The following TJP3 variants were observed in gnomAD, a reference collection of about 807,000 sequenced individuals.
The protein encoded by TJP3 is tight junction protein ZO-3.
In TJP3, 85 loss-of-function variants were observed where a neutral mutation model predicts 104.2. The ratio of observed to expected loss-of-function variants is 0.82; its 90% CI spans 0.68 to 0.98. TJP3 has a LOEUF of 0.98. Among genes scored for constraint, TJP3 ranks in the 50% least tolerant of loss-of-function variants. The probability of loss-of-function intolerance (pLI) is 0.00; values close to 1 mark genes in which losing one functional copy is unlikely to be tolerated. For missense variants in TJP3, 1,367 were observed against 1,322.8 expected, an observed-to-expected ratio of 1.03 and a Z score of -0.52; for synonymous variants, 550 against 550.6, an observed-to-expected ratio of 1.00 and a Z score of 0.02.
chr19:3,750,505 A>G (rs1414738430), intron 20 of TJP3, 77 bp from the exon 21 acceptor site: 1 of 1,288,648 alleles, frequency 7.8e-7, no homozygotes, highest in African/African-American at 1.5e-5. Context: ...TGTGCCTAGC[A>G]CAGCCAGCCT....
At chr19:3,742,398 A>G (rs1462644445) in intron 14 of TJP3, among the ~76,000 whole-genome samples, 1 of 151,750 alleles carries the variant, frequency 6.6e-6, no homozygotes, top group Non-Finnish European at 1.5e-5. Context: ...ATGCTGCTGC[A>G]CTCTAGCCTG....
At chr19:3,712,187 G>A (rs190656201) in intron 1 of TJP3, among the ~76,000 whole-genome samples, 4 of 152,324 alleles carry the variant, frequency 2.6e-5, no homozygotes, top group Admixed American at 2.6e-4. Context: ...GTGTTGGCGT[G>A]TGCCTATAAT....
intron 1 of TJP3, among the ~76,000 whole-genome samples, chr19:3,719,655 GA>G (rs1239153736): frequency 6.7e-6 from 1 of 149,194 alleles, no homozygotes; most frequent in East Asian, 2.0e-4. Flanking sequence ...AGAATGACGG[GA>G]ACCCGGGAGG....
In TJP3 at chr19:3,739,033, C is replaced by G; in HGVS notation, c.1530C>G (p.Pro510=). 1 of 1,611,686 alleles carries G rather than the reference C, an allele frequency of 6.2e-7. No individual in the cohort carries two copies. The highest frequency in any genetic ancestry group is 1.3e-5 in the African/African-American group (1 of 75,042). ...DVFHVLDTLH[P]GPGQSHARGG... is the part of the protein sequence containing the mutation. ...TCCACGTGCTGGACACGCTGCACCC[C>G]GGCCCCGGGCAGAGCCACGCACGAG... Residue 510 remains proline, a synonymous_variant, in exon 13 of 21, where the codon CCC becomes CCG. Transcript: ENST00000541714.
At chr19:3,718,026 T>G (rs756637717) in intron 1 of TJP3, among the ~76,000 whole-genome samples, 10 of 151,128 alleles carry the variant, frequency 6.6e-5, no homozygotes, top group South Asian at 6.3e-4. Flanking sequence ...CCATCCTGGC[T>G]AACACGGTGA....
intron 1 of TJP3, 52 bp from the exon 2 acceptor site, chr19:3,728,372 T>C: frequency 6.2e-7 from 1 of 1,613,800 alleles, no homozygotes; most frequent in Non-Finnish European, 8.5e-7. Flanking sequence ...CCCCAAGTGC[T>C]CAGATGAACC....
chr19:3,716,795 A>AT (rs1199754819), intron 1 of TJP3, among the ~76,000 whole-genome samples: 16 of 66,788 alleles, frequency 2.4e-4, no homozygotes, highest in African/African-American at 4.4e-4. Context: ...ATATATATAT[A>AT]TATATATTTT....
intron 1 of TJP3, among the ~76,000 whole-genome samples, chr19:3,725,985 C>G (rs2036591993): frequency 6.6e-6 from 1 of 152,236 alleles, no homozygotes; most frequent in African/African-American, 2.4e-5. Flanking sequence ...TCTCTCCCCT[C>G]CACCCGCCTT....
chr19:3,726,038 T>G (rs2036592745), intron 1 of TJP3, among the ~76,000 whole-genome samples: 1 of 152,320 alleles, frequency 6.6e-6, no homozygotes, highest in South Asian at 2.1e-4. Context: ...CTAGAGACGC[T>G]GGAGCTTATA....
rs189895517 is a variant in TJP3, at chr19:3,715,151, G to A, written c.-10+6590G>A. On this transcript the variant is annotated intron_variant, in intron 1 of 20. Transcript: ENST00000541714. The stretch of plus-strand genomic sequence containing the variant: ...GTCGCCCAGGCTGGAGCGCAGTGGC[G>A]CAATCTCGGCTCACTGCAACCTCCG... 3.3e-3 allele frequency among the ~76,000 whole-genome samples: 497 copies of A among 150,846 alleles called. 2 individuals carry two copies. The highest frequency in any genetic ancestry group is 6.9e-3 in the Middle Eastern group (2 of 290).
intron 13 of TJP3, among the ~76,000 whole-genome samples, chr19:3,739,452 T>G (rs1414556174): frequency 6.6e-6 from 1 of 152,266 alleles, no homozygotes; most frequent in African/African-American, 2.4e-5. Context: ...ATCACGCCAC[T>G]GCACTCCAGC....
At chr19:3,724,599 C>G (rs111397218) in intron 1 of TJP3, among the ~76,000 whole-genome samples, 1 of 152,086 alleles carries the variant, frequency 6.6e-6, no homozygotes, top group African/African-American at 2.4e-5. Flanking sequence ...TGCAGAGGCA[C>G]GATCACAATT....
chr19:3,740,425 C>A, intron 13 of TJP3, 127 bp from the exon 14 acceptor site: 1 of 445,440 alleles, frequency 2.2e-6, no homozygotes, highest in Non-Finnish European at 3.8e-6. Flanking sequence ...ATAATAATCC[C>A]ATCTGCAGAG....
At chr19:3,722,203 C>G (rs1009929648) in intron 1 of TJP3, among the ~76,000 whole-genome samples, 1 of 152,198 alleles carries the variant, frequency 6.6e-6, no homozygotes, top group Admixed American at 6.5e-5. Flanking sequence ...AATTTTCTGT[C>G]CACTATGCTG....
chr19:3,747,321 A>G (rs2036912076), intron 18 of TJP3, among the ~76,000 whole-genome samples: 1 of 152,216 alleles, frequency 6.6e-6, no homozygotes, highest in South Asian at 2.1e-4. Context: ...TCAGCTTCCC[A>G]AAGTGCTGGG....
chr19:3,710,264 G>A (rs550111296), intron 1 of TJP3, among the ~76,000 whole-genome samples: 121 of 143,736 alleles, frequency 8.4e-4, no homozygotes, highest in African/African-American at 2.9e-3. Context: ...GGGTCAAGAC[G>A]AGCTATCCCG....
rs1181261970 is a variant in TJP3 at position 3,747,795 on chromosome 19, T to C, written c.2324T>C (p.Leu775Pro). 2.5e-6 allele frequency: 4 copies of C among 1,584,770 alleles called. No homozygotes were observed. The African/African-American group carries it at 4.0e-5, about 16-fold the overall frequency. Residue 775 changes from leucine (L) to proline (P), a missense_variant and splice_region_variant, in exon 19 of 21, where the codon CTG (leucine) becomes CCG (proline). Transcript: ENST00000541714. Reference protein sequence around the residue: ...TRPIWTAEDQLDGSLEDNLDL... With the variant: ...TRPIWTAEDQPDGSLEDNLDL... ...GCAGCATCCACACCCACCCCACAGC[T>C]GGATGGCTCCTTGGAGGACAACCTA... is the stretch of plus-strand genomic sequence containing the variant.
rs1374535044 is a variant in TJP3 at position 3,747,983 on chromosome 19, C to G, written c.2512C>G (p.Pro838Ala). The stretch of plus-strand genomic sequence containing the variant: ...CTACACGGATGTGGATGATGAGCCC[C>G]CGGCTCCAGCCCTGGCCCGGTCCTC... ...GPYTDVDDEPPAPALARSSEP... is the reference protein window; with the variant it reads ...GPYTDVDDEPAAPALARSSEP... Residue 838 changes from proline to alanine, a missense_variant, in exon 19 of 21, where the codon CCG becomes GCG. Coordinates refer to ENST00000541714, the MANE Select transcript of TJP3 (RefSeq NM_001267560.2). 2 of 1,612,114 alleles carry G rather than the reference C, an allele frequency of 1.2e-6. No homozygotes were observed. Among genetic ancestry groups the G allele is most frequent in the Non-Finnish European group, 1.7e-6 (2 of 1,179,532 alleles).
At position 3,740,756 on chromosome 19, in the gene TJP3, G is replaced by T; in HGVS notation, c.1836G>T (p.Leu612Phe). Residue 612 changes from leucine to phenylalanine, a missense_variant, in exon 14 of 21, where the codon TTG becomes TTT. Coordinates refer to ENST00000541714, the MANE Select transcript of TJP3 (RefSeq NM_001267560.2). ...ACCCGCCCTACGAACGAGTGGTGTTGCGAGAAGGTGGGGCCCGGAGCTGGA... is the reference window on the plus strand; with the variant it reads ...ACCCGCCCTACGAACGAGTGGTGTTTCGAGAAGGTGGGGCCCGGAGCTGGA... ...GRYPPYERVV[L>F]REASFKRPVV... 6.4e-7 allele frequency: 1 copy of T among 1,574,336 alleles called. No homozygotes were observed. Among genetic ancestry groups the T allele is most frequent in the Non-Finnish European group, 8.6e-7 (1 of 1,161,200 alleles).
Sources: gnomAD v4.1 joint callset for allele counts (sites outside exome capture counted in the v4.1 genomes callset) on GRCh38, gnomAD v4.1.1 for gene constraint, MANE v1.5 for transcripts, NCBI Gene and HGNC (gene_info 2026-07-23, HGNC 2026-07-21) for gene names.